Variants in GDPD4 observed in about 807,000 individuals in gnomAD.
The protein encoded by GDPD4 is glycerophosphodiester phosphodiesterase domain containing 4.
A neutral mutation model predicts 67.8 loss-of-function variants in GDPD4; 60 were observed. The observed-to-expected ratio is 0.88, with a 90% confidence interval of 0.72 to 1.10. GDPD4 has a LOEUF of 1.10. Among genes scored for constraint, GDPD4 ranks in the 50% least tolerant of loss-of-function variants. The probability of loss-of-function intolerance (pLI) is 0.00; values close to 1 mark genes in which losing one functional copy is unlikely to be tolerated. For missense variants in GDPD4, 623 were observed against 613.9 expected, an observed-to-expected ratio of 1.01 and a Z score of -0.16; for synonymous variants, 212 against 210.9, an observed-to-expected ratio of 1.00 and a Z score of -0.04.
chr11:77,225,787 G>A (rs186468329), intron 16 of GDPD4, among the ~76,000 whole-genome samples: 1 of 152,180 alleles, frequency 6.6e-6, no homozygotes, highest in African/African-American at 2.4e-5. Flanking sequence ...CCTGGAGGTG[G>A]CATGGGGCAA....
At position 77,244,683 on chromosome 11, in the gene GDPD4, A is replaced by T. The variant is rs572478425; in HGVS notation, c.1086+598T>A. Reference sequence around the variant, plus strand: ...GGGAGGCCCTGCTTCTATTTTATTTAAAAAAAATCATCTTTGAGAGGAGTC... The same window carrying T: ...GGGAGGCCCTGCTTCTATTTTATTTTAAAAAAATCATCTTTGAGAGGAGTC... On this transcript the variant is annotated intron_variant, in intron 12 of 16. Coordinates refer to ENST00000315938, the MANE Select transcript of GDPD4 (RefSeq NM_182833.3). Among the ~76,000 whole-genome samples, 59 of 152,044 alleles carry T rather than the reference A, an allele frequency of 3.9e-4. 1 individual carries two copies. Among genetic ancestry groups the T allele is most frequent in the Admixed American group, 1.4e-3 (21 of 15,250 alleles).
At chr11:77,224,835 C>T (rs993291548) in intron 16 of GDPD4, among the ~76,000 whole-genome samples, 17 of 152,008 alleles carry the variant, frequency 1.1e-4, no homozygotes, top group African/African-American at 3.6e-4. Context: ...GGCAGGGTAG[C>T]TCACATCTGT....
intron 5 of GDPD4, 58 bp downstream of exon 5, chr11:77,276,103 G>A: frequency 1.6e-6 from 2 of 1,243,004 alleles, no homozygotes; most frequent in South Asian, 2.4e-5. Flanking sequence ...GCATGTTCAG[G>A]CCTGGTCTAA....
At chr11:77,300,228 G>T (rs545462412) in intron 1 of GDPD4, among the ~76,000 whole-genome samples, 7 of 151,948 alleles carry the variant, frequency 4.6e-5, no homozygotes, top group Non-Finnish European at 1.0e-4. Flanking sequence ...TAGCCAATTG[G>T]AATTAGTTTA....
chr11:77,291,288 T>A (rs1453547013), intron 1 of GDPD4, among the ~76,000 whole-genome samples: 2 of 152,188 alleles, frequency 1.3e-5, no homozygotes, highest in Non-Finnish European at 2.9e-5. Flanking sequence ...AAATATTGTG[T>A]GTTCTCACTC....
chr11:77,275,688 C>CAT (rs1329829110), intron 5 of GDPD4, among the ~76,000 whole-genome samples: 1 of 152,322 alleles, frequency 6.6e-6, no homozygotes, highest in African/African-American at 2.4e-5. Flanking sequence ...GAAGGACCAC[C>CAT]ATGCCCTCTC....
chr11:77,279,178 C>T (rs1283049516), intron 4 of GDPD4, 128 bp downstream of exon 4: 8 of 572,488 alleles, frequency 1.4e-5, no homozygotes, highest in Non-Finnish European at 2.5e-5. Flanking sequence ...TAAATCCCAA[C>T]TCTACTAAGA....
chr11:77,259,648 G>T (rs74521958), intron 10 of GDPD4, among the ~76,000 whole-genome samples: 1 of 151,948 alleles, frequency 6.6e-6, no homozygotes, highest in East Asian at 1.9e-4. Context: ...AGTACAGGGT[G>T]GGGGAACCTA....
intron 3 of GDPD4, among the ~76,000 whole-genome samples, chr11:77,280,913 A>G (rs1336953179): frequency 6.6e-6 from 1 of 152,232 alleles, no homozygotes; most frequent in Non-Finnish European, 1.5e-5. Flanking sequence ...TGAAAAAGGA[A>G]GTCTCCTTTC....
chr11:77,298,512 A>C (rs559637479), intron 1 of GDPD4, among the ~76,000 whole-genome samples: 1 of 152,320 alleles, frequency 6.6e-6, no homozygotes, highest in Non-Finnish European at 1.5e-5. Flanking sequence ...AATTTTTTTT[A>C]AAAACATTTT....
chr11:77,236,922 C>T (rs1958580360), intron 13 of GDPD4, among the ~76,000 whole-genome samples: 1 of 152,158 alleles, frequency 6.6e-6, no homozygotes, highest in African/African-American at 2.4e-5. Flanking sequence ...TCCTTCTCAA[C>T]AGGATAACCT....
At chr11:77,251,914 T>C (rs1322449705) in intron 11 of GDPD4, among the ~76,000 whole-genome samples, 2 of 152,144 alleles carry the variant, frequency 1.3e-5, no homozygotes, top group Non-Finnish European at 2.9e-5. Context: ...CTCCTCTGGG[T>C]AATTTTCAAA....
At chr11:77,276,320 G>A (rs1591569490) in intron 4 of GDPD4, 100 bp from the exon 5 acceptor site, 1 of 873,880 alleles carries the variant, frequency 1.1e-6, no homozygotes, top group South Asian at 1.4e-5. Context: ...CAGTCTAGCA[G>A]TACACTCATT....
chr11:77,293,087 TAGAAACTCTTAC>T (rs1937836385), intron 1 of GDPD4, among the ~76,000 whole-genome samples: 1 of 152,198 alleles, frequency 6.6e-6, no homozygotes, highest in Admixed American at 6.5e-5. Flanking sequence ...ACCAATTCTA[TAGAAACTCTTAC>T]ATTAGAAGAG....
At chr11:77,261,260 CA>C (rs1429872546) in intron 10 of GDPD4, among the ~76,000 whole-genome samples, 1 of 149,856 alleles carries the variant, frequency 6.7e-6, no homozygotes, top group African/African-American at 2.5e-5. Flanking sequence ...TTTTTGGAAA[CA>C]GAATCTTACT....
chr11:77,258,198 A>C (rs1390036265), intron 11 of GDPD4, among the ~76,000 whole-genome samples, 188 bp downstream of exon 11: 1 of 152,234 alleles, frequency 6.6e-6, no homozygotes, highest in African/African-American at 2.4e-5. Context: ...TGAATGTAGA[A>C]AGCAGCAATT....
chr11:77,227,077 C>T (rs1033952852), intron 16 of GDPD4, among the ~76,000 whole-genome samples: 1 of 152,214 alleles, frequency 6.6e-6, no homozygotes, highest in Non-Finnish European at 1.5e-5. Flanking sequence ...CCACACCGCG[C>T]AGTCTTCTGC....
intron 11 of GDPD4, among the ~76,000 whole-genome samples, chr11:77,254,315 A>C (rs1425624215): frequency 6.6e-6 from 1 of 152,024 alleles, no homozygotes; most frequent in Non-Finnish European, 1.5e-5. Flanking sequence ...TTCCTGGCTG[A>C]TCTCAGCTGG....
intron 13 of GDPD4, among the ~76,000 whole-genome samples, chr11:77,238,162 C>A (rs1241131401): frequency 6.6e-6 from 1 of 152,086 alleles, no homozygotes. Context: ...AATTCATAAA[C>A]CCCTAGCAAG....
Sources: gnomAD v4.1 joint callset for allele counts (sites outside exome capture counted in the v4.1 genomes callset) on GRCh38, gnomAD v4.1.1 for gene constraint, MANE v1.5 for transcripts, NCBI Gene and HGNC (gene_info 2026-07-23, HGNC 2026-07-21) for gene names.